The following EXOC4 variants were observed in gnomAD, a reference collection of about 807,000 sequenced individuals.
EXOC4 encodes SEC8-like 1.
In EXOC4, 71 loss-of-function variants were observed where a neutral mutation model predicts 107.2. That is an observed-to-expected ratio of 0.66 (90% CI 0.55 to 0.81). The LOEUF (loss-of-function observed/expected upper bound fraction) is 0.81, where lower values mean the gene tolerates loss of function less well. Among genes scored for constraint, EXOC4 ranks in the 30% least tolerant of loss-of-function variants. The pLI is 0.00. For synonymous variants in EXOC4, 456 were observed against 441.2 expected, an observed-to-expected ratio of 1.03 and a Z score of -0.42; for missense variants, 1,108 against 1,189.6, an observed-to-expected ratio of 0.93 and a Z score of 1.01.
At chr7:133,554,235 T>A (rs953409687) in intron 9 of EXOC4, among the ~76,000 whole-genome samples, 1 of 152,182 alleles carries the variant, frequency 6.6e-6, no homozygotes, top group Non-Finnish European at 1.5e-5. Context: ...TGATGAAATG[T>A]TTTATTTTAT....
chr7:134,095,939 A>G, the EXOC4 span, among the ~76,000 whole-genome samples: 5 of 152,216 alleles, frequency 3.3e-5, no homozygotes, highest in African/African-American at 7.2e-5. Context: ...TTCAAAAGCA[A>G]TTCCAATAAA....
At chr7:133,586,934 G>T (rs1388341328) in intron 9 of EXOC4, among the ~76,000 whole-genome samples, 1 of 152,076 alleles carries the variant, frequency 6.6e-6, no homozygotes, top group Non-Finnish European at 1.5e-5. Flanking sequence ...GGGTTCAAGT[G>T]ATTCTCCTGC....
At chr7:133,571,996 T>C (rs553687785) in intron 9 of EXOC4, among the ~76,000 whole-genome samples, 1 of 152,334 alleles carries the variant, frequency 6.6e-6, no homozygotes, top group Non-Finnish European at 1.5e-5. Flanking sequence ...TTTGAAACCA[T>C]AGCAGAAGGT....
chr7:133,756,270 G>A (rs1347061437), intron 10 of EXOC4, among the ~76,000 whole-genome samples: 1 of 152,022 alleles, frequency 6.6e-6, no homozygotes, highest in Non-Finnish European at 1.5e-5. Context: ...AAGTACTCAT[G>A]TTACAATTTA....
chr7:133,550,729 T>G (rs575927571), intron 9 of EXOC4, among the ~76,000 whole-genome samples: 2 of 152,326 alleles, frequency 1.3e-5, no homozygotes, highest in African/African-American at 4.8e-5. Context: ...AATGAGGGCA[T>G]GTTCCTAGCT....
At chr7:134,019,127 A>C (rs1794973002) in intron 17 of EXOC4, among the ~76,000 whole-genome samples, 1 of 152,042 alleles carries the variant, frequency 6.6e-6, no homozygotes, top group African/African-American at 2.4e-5. Context: ...ATGGGGTTTC[A>C]CCATGTTAGC....
intron 11 of EXOC4, among the ~76,000 whole-genome samples, chr7:133,845,418 T>G (rs1798106644): frequency 4.1e-5 from 6 of 147,912 alleles, no homozygotes; most frequent in Admixed American, 2.0e-4. Flanking sequence ...ATTTTATATA[T>G]ATCTTATATA....
the EXOC4 span, among the ~76,000 whole-genome samples, chr7:134,099,522 CTTTTT>C: frequency 9.6e-5 from 10 of 103,934 alleles, no homozygotes; most frequent in African/African-American, 3.3e-4. Flanking sequence ...CATCACACTT[CTTTTT>C]TTTTTTTTTT....
intron 9 of EXOC4, among the ~76,000 whole-genome samples, chr7:133,483,877 A>G (rs1799212810): frequency 6.6e-6 from 1 of 152,218 alleles, no homozygotes; most frequent in Admixed American, 6.5e-5. Flanking sequence ...GACCACAATG[A>G]GATCTGCATT....
At chr7:133,654,266 A>G (rs1042358576) in intron 10 of EXOC4, among the ~76,000 whole-genome samples, 1 of 152,210 alleles carries the variant, frequency 6.6e-6, no homozygotes, top group Non-Finnish European at 1.5e-5. Context: ...TGAAAGCAGC[A>G]ATACAGCTGA....
intron 15 of EXOC4, among the ~76,000 whole-genome samples, chr7:134,000,810 T>C (rs1453696620): frequency 1.3e-5 from 2 of 152,126 alleles, no homozygotes; most frequent in Non-Finnish European, 2.9e-5. Context: ...ACCACTGTAA[T>C]AGTACAGATA....
At chr7:133,932,083 C>G (rs1027494794) in intron 13 of EXOC4, among the ~76,000 whole-genome samples, 4 of 152,186 alleles carry the variant, frequency 2.6e-5, no homozygotes, top group African/African-American at 9.7e-5. Context: ...CATGTCAAAA[C>G]GTAACTGACT....
At chr7:133,748,208 C>T (rs1273974375) in intron 10 of EXOC4, among the ~76,000 whole-genome samples, 2 of 152,148 alleles carry the variant, frequency 1.3e-5, no homozygotes, top group Non-Finnish European at 2.9e-5. Context: ...CATCTTTCTA[C>T]CTGGCCTAAG....
At chr7:133,807,055 C>G (rs374258638) in intron 10 of EXOC4, among the ~76,000 whole-genome samples, 2 of 152,252 alleles carry the variant, frequency 1.3e-5, no homozygotes, top group Admixed American at 1.3e-4. Context: ...ACAGCATTCA[C>G]AGCATGTGAA....
intron 5 of EXOC4, among the ~76,000 whole-genome samples, chr7:133,347,521 C>T (rs1272800164): frequency 1.3e-5 from 2 of 152,102 alleles, no homozygotes; most frequent in Non-Finnish European, 2.9e-5. Flanking sequence ...GGATTACAGG[C>T]GTGAGCCACC....
At chr7:134,025,461 T>C (rs1795119368) in intron 17 of EXOC4, among the ~76,000 whole-genome samples, 1 of 152,240 alleles carries the variant, frequency 6.6e-6, no homozygotes, top group Non-Finnish European at 1.5e-5. Flanking sequence ...ACAACCATTA[T>C]ATGAGTTCTC....
At chr7:133,830,070 A>G (rs1261732469) in intron 11 of EXOC4, among the ~76,000 whole-genome samples, 1 of 152,176 alleles carries the variant, frequency 6.6e-6, no homozygotes, top group Non-Finnish European at 1.5e-5. Context: ...TTCACTTGCA[A>G]ATAGCTACAA....
At chr7:133,801,554 C>T (rs542196315) in intron 10 of EXOC4, among the ~76,000 whole-genome samples, 5 of 152,190 alleles carry the variant, frequency 3.3e-5, no homozygotes, top group South Asian at 2.1e-4. Flanking sequence ...CCTGAGTTGG[C>T]GGGGGGCTCT....
intron 5 of EXOC4, among the ~76,000 whole-genome samples, chr7:133,339,437 A>C (rs1235317378): frequency 3.9e-5 from 6 of 152,180 alleles, no homozygotes; most frequent in African/African-American, 1.2e-4. Flanking sequence ...GAAATCAGGT[A>C]ATGTAATGCC....
Sources: gnomAD v4.1 joint callset for allele counts (sites outside exome capture counted in the v4.1 genomes callset) on GRCh38, gnomAD v4.1.1 for gene constraint, MANE v1.5 for transcripts, NCBI Gene and HGNC (gene_info 2026-07-23, HGNC 2026-07-21) for gene names.